Variants in ALPK2 observed in about 807,000 individuals in gnomAD.
ALPK2 encodes the protein alpha-protein kinase 2.
In ALPK2, 127 loss-of-function variants were observed where a neutral mutation model predicts 163.1. The observed-to-expected ratio is 0.78, with a 90% CI of 0.67 to 0.90. ALPK2 has a LOEUF of 0.90. Ranked by LOEUF, ALPK2 falls within the 40% of genes least tolerant of loss-of-function variation. The probability of loss-of-function intolerance (pLI) is 0.00; values close to 1 mark genes in which losing one functional copy is unlikely to be tolerated. For missense variants in ALPK2, 2,360 were observed against 2,589.6 expected, an observed-to-expected ratio of 0.91 and a Z score of 1.92; for synonymous variants, 953 against 959.1, an observed-to-expected ratio of 0.99 and a Z score of 0.12.
chr18:58,581,323 T>C (rs756192583), intron 3 of ALPK2, among the ~76,000 whole-genome samples: 1 of 152,190 alleles, frequency 6.6e-6, no homozygotes, highest in Non-Finnish European at 1.5e-5. Flanking sequence ...GATAATACCA[T>C]GATAGGACTA....
At chr18:58,489,965 T>C (rs1482001533) in intron 12 of ALPK2, among the ~76,000 whole-genome samples, 1 of 151,172 alleles carries the variant, frequency 6.6e-6, no homozygotes, top group Non-Finnish European at 1.5e-5. Flanking sequence ...CCTGTAGTCT[T>C]AGCTACTCAG....
chr18:58,529,563 C>G (rs2051601615), intron 5 of ALPK2, among the ~76,000 whole-genome samples: 1 of 152,016 alleles, frequency 6.6e-6, no homozygotes, highest in African/African-American at 2.4e-5. Flanking sequence ...GGATCTCATC[C>G]AAATAAAGAT....
At chr18:58,566,061 G>C (rs1176655914) in intron 4 of ALPK2, among the ~76,000 whole-genome samples, 1 of 152,140 alleles carries the variant, frequency 6.6e-6, no homozygotes, top group Non-Finnish European at 1.5e-5. Context: ...GATTATAGGC[G>C]TGAGCCACTG....
intron 12 of ALPK2, among the ~76,000 whole-genome samples, chr18:58,489,024 G>A (rs1386238683): frequency 6.6e-6 from 1 of 152,214 alleles, no homozygotes; most frequent in Non-Finnish European, 1.5e-5. Flanking sequence ...AAGCGGAGCG[G>A]CACTTTCCCA....
chr18:58,580,698 G>T (rs1194755870), intron 3 of ALPK2, 150 bp from the exon 4 acceptor site: 2 of 770,356 alleles, frequency 2.6e-6, no homozygotes, highest in Non-Finnish European at 4.1e-6. Context: ...TGTGGCCAAA[G>T]GCAACTGACC....
intron 10 of ALPK2, among the ~76,000 whole-genome samples, chr18:58,506,596 C>G (rs1475628216): frequency 7.2e-5 from 11 of 152,128 alleles, no homozygotes. Context: ...GCAGAGGTGA[C>G]TAAGACACAG....
At chr18:58,608,957 C>CA (rs1003841164) in intron 2 of ALPK2, among the ~76,000 whole-genome samples, 37,446 of 116,784 alleles carry the variant, frequency 0.32, 5,041 homozygotes, top group African/African-American at 0.39. Context: ...GACCTTGTCT[C>CA]AAAAAAAAAA....
chr18:58,595,135 A>C (rs1322813029), intron 3 of ALPK2, among the ~76,000 whole-genome samples: 1 of 152,162 alleles, frequency 6.6e-6, no homozygotes, highest in Non-Finnish European at 1.5e-5. Flanking sequence ...TAATAACCAC[A>C]TCACCTCCCG....
At chr18:58,514,552 A>G (rs2051511044) in intron 10 of ALPK2, among the ~76,000 whole-genome samples, 1 of 152,120 alleles carries the variant, frequency 6.6e-6, no homozygotes, top group African/African-American at 2.4e-5. Flanking sequence ...TATGTTTCTG[A>G]TCACCCAATC....
At chr18:58,524,910 A>G (rs1359700797) in intron 6 of ALPK2, among the ~76,000 whole-genome samples, 1 of 150,310 alleles carries the variant, frequency 6.7e-6, no homozygotes, top group South Asian at 2.1e-4. Flanking sequence ...GGAGAGCCAC[A>G]TATTTATTCC....
At chr18:58,617,200 A>G (rs1419936041) in intron 1 of ALPK2, among the ~76,000 whole-genome samples, 3 of 152,068 alleles carry the variant, frequency 2.0e-5, no homozygotes, top group Non-Finnish European at 4.4e-5. Flanking sequence ...TTATTTATTT[A>G]TTTATTGAGA....
chr18:58,613,181 C>T (rs2052143071), intron 1 of ALPK2, among the ~76,000 whole-genome samples: 1 of 152,170 alleles, frequency 6.6e-6, no homozygotes, highest in Non-Finnish European at 1.5e-5. Context: ...TCCCCGAGGA[C>T]AGTTCAAGGT....
chr18:58,519,719 T>A (rs2051539786), intron 8 of ALPK2, among the ~76,000 whole-genome samples: 2 of 152,234 alleles, frequency 1.3e-5, no homozygotes, highest in South Asian at 4.1e-4. Flanking sequence ...AGAGCTGGAG[T>A]TCTAGGTGGA....
rs116145697 is a variant in ALPK2, at chr18:58,603,041, T to A, written c.227+4281A>T. Among the ~76,000 whole-genome samples the A allele has an allele frequency of 2.4e-3, 359 of 152,330 alleles. 1 individual carries two copies. The highest frequency in any genetic ancestry group is 8.3e-3 in the African/African-American group (344 of 41,570). ...CTCTGCCCTTTTCCCAGAAAACACA[T>A]AAATTATCCAATTCTTGTTTAGCAT... On this transcript the variant is annotated intron_variant, in intron 3 of 12. Coordinates refer to ENST00000361673, the MANE Select transcript of ALPK2 (RefSeq NM_052947.4).
chr18:58,582,636 G>T (rs28500538), intron 3 of ALPK2, among the ~76,000 whole-genome samples: 25,485 of 152,112 alleles, frequency 0.17, 2,434 homozygotes, highest in African/African-American at 0.25. Flanking sequence ...CATGGCTGGG[G>T]CACATCCTCA....
intron 1 of ALPK2, among the ~76,000 whole-genome samples, chr18:58,616,654 C>T (rs1217083014): frequency 6.6e-6 from 1 of 152,198 alleles, no homozygotes; most frequent in Non-Finnish European, 1.5e-5. Flanking sequence ...GGTGGCACAT[C>T]CCAACTCCAT....
intron 3 of ALPK2, among the ~76,000 whole-genome samples, chr18:58,589,245 G>A (rs1430518548): frequency 6.6e-6 from 1 of 152,132 alleles, no homozygotes; most frequent in African/African-American, 2.4e-5. Context: ...ATTTGCAAAG[G>A]GGAAAGAAGA....
In ALPK2 at chr18:58,537,799, C is replaced by T; in HGVS notation, c.2388G>A (p.Arg796=). The change falls in exon 5 of 13, where the codon AGG becomes AGA. Residue 796 remains arginine (R), a synonymous_variant. Coordinates refer to ENST00000361673, the MANE Select transcript of ALPK2 (RefSeq NM_052947.4). ...LTLENVCDEP[R]DREAVCAMEC... is the part of the protein sequence containing the mutation. ...CCATTGCACACACTGCTTCTCTGTC[C>T]CTTGGCTCATCACACACATTTTCCA... is the stretch of plus-strand genomic sequence containing the variant. The T allele has an allele frequency of 6.2e-7, 1 of 1,614,144 alleles. No homozygotes were observed. The highest frequency in any genetic ancestry group is 8.5e-7 in the Non-Finnish European group (1 of 1,180,038).
chr18:58,578,736 A>ACACACACGCGCGCACGCGCACG lies in ALPK2; in HGVS notation c.1962+77_1962+78insCGTGCGCGTGCGCGCGTGTGTG. The ACACACACGCGCGCACGCGCACG allele has an allele frequency of 5.3e-6, 4 of 760,698 alleles. No individual in the cohort carries two copies. In the East Asian group the frequency reaches 1.1e-4, roughly 22 times the overall value. 47.1% of individuals were successfully genotyped at this position (760,698 alleles called of 1,614,324 possible). On this transcript the variant is annotated intron_variant, in intron 4 of 12. Coordinates refer to ENST00000361673, the MANE Select transcript of ALPK2 (RefSeq NM_052947.4). ...GTGAATGTGAAGTAAAGGAAGAGAC[A>ACACACACGCGCGCACGCGCACG]CACACACACACACACACACACACAC...
Sources: allele counts gnomAD v4.1 joint callset (sites outside exome capture counted in the v4.1 genomes callset), GRCh38; gene constraint gnomAD v4.1.1; transcripts MANE v1.5; gene names NCBI Gene and HGNC (gene_info 2026-07-23, HGNC 2026-07-21).